Variants in AGBL4 observed in about 807,000 individuals in gnomAD.
The protein encoded by AGBL4 is AGBL carboxypeptidase 4.
AGBL4 carries 58 observed loss-of-function variants against 66.4 expected under a neutral mutation model. The ratio of observed to expected loss-of-function variants is 0.87; its 90% CI spans 0.71 to 1.09. The LOEUF (loss-of-function observed/expected upper bound fraction) is 1.09. Among genes scored for constraint, AGBL4 ranks in the 50% least tolerant of loss-of-function variants. AGBL4 has a pLI of 0.00. For missense variants in AGBL4, 579 were observed against 631.0 expected (o/e 0.92, Z 0.88); for synonymous variants, 234 against 222.9 (o/e 1.05, Z -0.44).
intron 4 of AGBL4, among the ~76,000 whole-genome samples, chr1:49,095,272 C>A (rs773436601): frequency 2.5e-4 from 38 of 152,134 alleles, no homozygotes; most frequent in Non-Finnish European, 3.7e-4. Flanking sequence ...AGGTAATTTA[C>A]AGATTCAATG....
chr1:49,641,286 C>T (rs1178266385), intron 3 of AGBL4, among the ~76,000 whole-genome samples: 1 of 151,990 alleles, frequency 6.6e-6, no homozygotes, highest in Non-Finnish European at 1.5e-5. Flanking sequence ...TTTTGTTTTT[C>T]ACTATTAAAA....
intron 11 of AGBL4, among the ~76,000 whole-genome samples, chr1:48,578,414 C>T (rs979941220): frequency 1.3e-5 from 2 of 152,192 alleles, no homozygotes; most frequent in African/African-American, 4.8e-5. Flanking sequence ...GACTTCAGTA[C>T]AGTTTAGACT....
chr1:49,703,958 T>G (rs1269854029), intron 2 of AGBL4, among the ~76,000 whole-genome samples: 1 of 151,928 alleles, frequency 6.6e-6, no homozygotes, highest in Admixed American at 6.6e-5. Flanking sequence ...AAAATAAAAT[T>G]TTAAGGATCC....
intron 4 of AGBL4, among the ~76,000 whole-genome samples, chr1:49,139,071 C>T (rs1254691331): frequency 6.6e-6 from 1 of 152,062 alleles, no homozygotes; most frequent in East Asian, 1.9e-4. Context: ...AACCAGATCT[C>T]ATGAGAACTC....
chr1:49,867,144 G>C (rs1646721330), intron 1 of AGBL4, among the ~76,000 whole-genome samples: 1 of 151,866 alleles, frequency 6.6e-6, no homozygotes, highest in Non-Finnish European at 1.5e-5. Flanking sequence ...TGTGACCTTG[G>C]GTGTCACACC....
intron 3 of AGBL4, among the ~76,000 whole-genome samples, chr1:49,311,757 C>A (rs1179088560): frequency 6.6e-6 from 1 of 151,844 alleles, no homozygotes; most frequent in Non-Finnish European, 1.5e-5. Flanking sequence ...CAGGTATCAT[C>A]TTTCAAAACC....
At chr1:48,885,685 T>A (rs1650254227) in intron 5 of AGBL4, among the ~76,000 whole-genome samples, 1 of 152,228 alleles carries the variant, frequency 6.6e-6, no homozygotes, top group African/African-American at 2.4e-5. Context: ...TATTTAATGT[T>A]GTGCTCTCTT....
At chr1:49,492,326 A>T (rs551720596) in intron 3 of AGBL4, among the ~76,000 whole-genome samples, 1 of 151,890 alleles carries the variant, frequency 6.6e-6, no homozygotes, top group African/African-American at 2.4e-5. Context: ...AAATGGGCTG[A>T]TTGATGTTCT....
At chr1:49,117,772 T>C (rs1391740973) in intron 4 of AGBL4, among the ~76,000 whole-genome samples, 2 of 152,194 alleles carry the variant, frequency 1.3e-5, no homozygotes, top group Non-Finnish European at 2.9e-5. Context: ...CATTGGTAGC[T>C]TGATGGGGAT....
chr1:49,958,864 A>G (rs1362830117), intron 1 of AGBL4, among the ~76,000 whole-genome samples: 1 of 151,870 alleles, frequency 6.6e-6, no homozygotes, highest in Non-Finnish European at 1.5e-5. Flanking sequence ...ATAAATTTAA[A>G]AAAAGAAAAT....
At chr1:48,675,510 T>C (rs1279439334) in intron 6 of AGBL4, among the ~76,000 whole-genome samples, 3 of 152,228 alleles carry the variant, frequency 2.0e-5, no homozygotes, top group Non-Finnish European at 4.4e-5. Flanking sequence ...CAAAAAGATA[T>C]GAAATCTGCA....
chr1:49,194,950 A>C (rs1647198614), intron 4 of AGBL4, among the ~76,000 whole-genome samples: 1 of 151,516 alleles, frequency 6.6e-6, no homozygotes, highest in Admixed American at 6.6e-5. Flanking sequence ...TGATCCTCCC[A>C]CCTCAGCAAT....
intron 3 of AGBL4, among the ~76,000 whole-genome samples, chr1:49,430,450 C>G (rs1010510404): frequency 3.3e-5 from 5 of 152,142 alleles, no homozygotes; most frequent in Non-Finnish European, 7.4e-5. Flanking sequence ...AGGAAATTTT[C>G]TTTGCTTCTG....
chr1:49,083,386 G>C (rs1644841644), intron 4 of AGBL4, among the ~76,000 whole-genome samples: 1 of 152,226 alleles, frequency 6.6e-6, no homozygotes, highest in South Asian at 2.1e-4. Flanking sequence ...GTGAAATCTA[G>C]ATGGAGGTTC....
intron 6 of AGBL4, among the ~76,000 whole-genome samples, chr1:48,854,315 C>T (rs1357767217): frequency 6.6e-6 from 1 of 152,190 alleles, no homozygotes; most frequent in Non-Finnish European, 1.5e-5. Flanking sequence ...GTGGTCTGCT[C>T]TCCCCAGGGC....
At chr1:49,764,137 G>A (rs1652553949) in intron 2 of AGBL4, among the ~76,000 whole-genome samples, 1 of 152,156 alleles carries the variant, frequency 6.6e-6, no homozygotes, top group Non-Finnish European at 1.5e-5. Context: ...CCTGAACACT[G>A]TGGTAAGTCA....
intron 3 of AGBL4, among the ~76,000 whole-genome samples, chr1:49,424,738 A>G (rs1645620188): frequency 6.6e-6 from 1 of 152,168 alleles, no homozygotes; most frequent in East Asian, 1.9e-4. Context: ...TCTTATTTAT[A>G]GATACTCCAG....
At chr1:49,277,470 C>T (rs1277924721) in intron 3 of AGBL4, among the ~76,000 whole-genome samples, 1 of 152,030 alleles carries the variant, frequency 6.6e-6, no homozygotes, top group African/African-American at 2.4e-5. Flanking sequence ...GAGGCATAAA[C>T]CTGAGTTCAA....
intron 3 of AGBL4, among the ~76,000 whole-genome samples, chr1:49,561,464 C>A (rs1451674229): frequency 6.6e-6 from 1 of 151,862 alleles, no homozygotes; most frequent in Non-Finnish European, 1.5e-5. Context: ...CCCCTCCCCC[C>A]AACCCACAAC....
Sources: gnomAD v4.1 joint callset for allele counts (sites outside exome capture counted in the v4.1 genomes callset) on GRCh38, gnomAD v4.1.1 for gene constraint, MANE v1.5 for transcripts, NCBI Gene and HGNC (gene_info 2026-07-23, HGNC 2026-07-21) for gene names.